The following EEF1E1 variants were observed in gnomAD, a reference collection of about 807,000 sequenced individuals.
The protein encoded by EEF1E1 is eukaryotic translation elongation factor 1 epsilon-1.
EEF1E1 carries 19 observed loss-of-function variants against 19.9 expected under a neutral mutation model. The observed-to-expected ratio is 0.95, with a 90% CI of 0.66 to 1.40. The LOEUF (loss-of-function observed/expected upper bound fraction) is 1.40, where lower values mean the gene tolerates loss of function less well. Among genes scored for constraint, EEF1E1 ranks in the 40% most tolerant of loss-of-function variants. The probability of loss-of-function intolerance (pLI) is 0.00; values close to 1 mark genes in which losing one functional copy is unlikely to be tolerated. For synonymous variants in EEF1E1, 81 were observed against 80.0 expected (o/e 1.01, Z -0.07); for missense variants, 198 against 202.2 (o/e 0.98, Z 0.13).
Position 8,090,292 on chromosome 6 carries a change from G to T in EEF1E1, c.289-11C>A. ...ATATGAATTAAGATCCTAGAAAAAA[G>T]AAAAAACAAATAAATATTAATGTAA... On this transcript the variant is annotated splice_polypyrimidine_tract_variant and intron_variant, in intron 2 of 3. Transcript: ENST00000379715. The T allele has an allele frequency of 6.9e-7, 1 of 1,444,502 alleles. No homozygotes were observed. The highest frequency in any genetic ancestry group is 9.1e-7 in the Non-Finnish European group (1 of 1,096,190). 89.5% of individuals were successfully genotyped at this position (1,444,502 alleles called of 1,614,324 possible).
chr6:8,079,660 T>C lies in EEF1E1; in HGVS notation c.*230A>G, dbSNP rs1757677739. ...TCATCTACTAAAAACAAGGTTAATT[T>C]ATAACTGGATCTCAACTTGTTTAAT... is the stretch of plus-strand genomic sequence containing the variant. On this transcript the variant is annotated 3_prime_UTR_variant, in exon 4 of 4. Coordinates refer to ENST00000379715, the MANE Select transcript of EEF1E1 (RefSeq NM_004280.5). 1 of 1,202,314 alleles carries C rather than the reference T, an allele frequency of 8.3e-7. No individual in the cohort carries two copies. The highest frequency in any genetic ancestry group is 1.0e-6 in the Non-Finnish European group (1 of 965,164). The allele number at this position is 1,202,314 out of a possible 1,614,324, so 74.5% of individuals were successfully genotyped here. A position where few individuals can be genotyped will look rare whatever the true frequency, so the allele number is the denominator to read the frequency against.
chr6:8,101,796 G>A, intron 1 of EEF1E1: 1 of 1,289,298 alleles, frequency 7.8e-7, no homozygotes, highest in Non-Finnish European at 1.0e-6. Context: ...ACTGTGGGTC[G>A]TAACACTTAA....
At chr6:8,091,757 T>C (rs1758016521) in intron 2 of EEF1E1, among the ~76,000 whole-genome samples, 3 of 152,208 alleles carry the variant, frequency 2.0e-5, no homozygotes, top group Admixed American at 2.0e-4. Context: ...ATATGAACTA[T>C]TATTAAATAT....
chr6:8,101,937 C>A, intron 1 of EEF1E1: 1 of 1,237,054 alleles, frequency 8.1e-7, no homozygotes, highest in Non-Finnish European at 1.1e-6. Context: ...CAATGTTTGT[C>A]CACCTGGCCA....
chr6:8,096,250 A>C (rs1265469518), intron 2 of EEF1E1, among the ~76,000 whole-genome samples: 1 of 152,224 alleles, frequency 6.6e-6, no homozygotes, highest in Non-Finnish European at 1.5e-5. Flanking sequence ...AAACTGTAAA[A>C]GATGGTTGTG....
chr6:8,102,269 G>A (rs1758387022), intron 1 of EEF1E1, among the ~76,000 whole-genome samples, 166 bp downstream of exon 1: 1 of 152,196 alleles, frequency 6.6e-6, no homozygotes, highest in Non-Finnish European at 1.5e-5. Context: ...GGATGGCAGG[G>A]GCCGAGGCCC....
chr6:8,093,320 CTTCCTTTT>C (rs1758072565), intron 2 of EEF1E1, among the ~76,000 whole-genome samples: 1 of 125,536 alleles, frequency 8.0e-6, no homozygotes, highest in Non-Finnish European at 1.7e-5. Flanking sequence ...CTGACATTCG[CTTCCTTTT>C]TTTTTTTTTT....
At chr6:8,088,350 G>A (rs1473751850) in intron 3 of EEF1E1, among the ~76,000 whole-genome samples, 1 of 152,144 alleles carries the variant, frequency 6.6e-6, no homozygotes, top group Non-Finnish European at 1.5e-5. Context: ...ATGGTGATAT[G>A]GTTTGGCTGT....
At chr6:8,095,424 AC>A in intron 2 of EEF1E1, 1 of 381,282 alleles carries the variant, frequency 2.6e-6, no homozygotes, top group Admixed American at 2.9e-5. Flanking sequence ...AATCACTTGA[AC>A]CCAGGAGGCG....
chr6:8,083,081 C>A (rs1208387257), intron 3 of EEF1E1, among the ~76,000 whole-genome samples: 2 of 152,192 alleles, frequency 1.3e-5, no homozygotes, highest in Non-Finnish European at 2.9e-5. Context: ...GTGCTTGGCT[C>A]TTTCTGCCTA....
At chr6:8,083,285 T>A (rs1581458560) in intron 3 of EEF1E1, among the ~76,000 whole-genome samples, 1 of 152,318 alleles carries the variant, frequency 6.6e-6, no homozygotes, top group East Asian at 1.9e-4. Flanking sequence ...GGACATTCTT[T>A]AGGGCCAGTG....
chr6:8,090,994 G>A (rs375902166), intron 2 of EEF1E1, among the ~76,000 whole-genome samples: 52 of 152,260 alleles, frequency 3.4e-4, no homozygotes, highest in East Asian at 5.8e-4. Flanking sequence ...GAACAGGAGC[G>A]TACAAACATC....
rs185263039 is a variant in EEF1E1 at position 8,090,655 on chromosome 6, G to A, written c.289-374C>T. 5.3e-4 allele frequency among the ~76,000 whole-genome samples: 81 copies of A among 152,180 alleles called. 1 individual carries two copies. The East Asian group carries it at 0.015, about 28-fold the overall frequency. ...TTCCCCAACAATTTCAATCTCTTTA[G>A]AGAATTCTAAGAAACTCTATATCCA... On this transcript the variant is annotated intron_variant, in intron 2 of 3. Transcript: ENST00000379715.
chr6:8,101,044 G>A (rs1252812553), intron 1 of EEF1E1, among the ~76,000 whole-genome samples: 2 of 148,968 alleles, frequency 1.3e-5, no homozygotes, highest in African/African-American at 5.0e-5. Context: ...TGGCCAACAT[G>A]GTGCAACCCG....
At chr6:8,102,376 G>A (rs1248180572) in intron 1 of EEF1E1, 59 bp downstream of exon 1, 2 of 1,540,844 alleles carry the variant, frequency 1.3e-6, no homozygotes, top group African/African-American at 1.4e-5. Context: ...GTCCTGCCAG[G>A]GCTCGGCAGG....
chr6:8,097,746 T>A (rs1278765023), intron 1 of EEF1E1, among the ~76,000 whole-genome samples: 3 of 152,322 alleles, frequency 2.0e-5, no homozygotes, highest in East Asian at 3.9e-4. Context: ...AATTTTAAAC[T>A]ATGTACAATG....
At chr6:8,095,354 C>A (rs528950272) in intron 2 of EEF1E1, 5 of 424,438 alleles carry the variant, frequency 1.2e-5, no homozygotes, top group South Asian at 8.1e-5. Context: ...CACAAAAAAA[C>A]GAGCCATGCG....
Position 8,079,865 on chromosome 6 carries a change from A to C in EEF1E1, c.*25T>G. 1 of 1,598,222 alleles carries C rather than the reference A, an allele frequency of 6.3e-7. No individual in the cohort carries two copies. The highest frequency in any genetic ancestry group is 8.5e-7 in the Non-Finnish European group (1 of 1,171,358). Reference sequence around the variant, plus strand: ...TTTCCATTTAAAACATTTTTAATAGATCTTCTGTATGGCATGGACAGCTTC... The same window carrying C: ...TTTCCATTTAAAACATTTTTAATAGCTCTTCTGTATGGCATGGACAGCTTC... On this transcript the variant is annotated 3_prime_UTR_variant, in exon 4 of 4. Transcript: ENST00000379715.
intron 1 of EEF1E1, 45 bp downstream of exon 1, chr6:8,102,390 C>G: frequency 6.3e-7 from 1 of 1,582,868 alleles, no homozygotes. Context: ...CGGCAGGCCC[C>G]GCTCCCGTCC....
Sources: allele counts gnomAD v4.1 joint callset (sites outside exome capture counted in the v4.1 genomes callset), GRCh38; gene constraint gnomAD v4.1.1; transcripts MANE v1.5; gene names NCBI Gene and HGNC (gene_info 2026-07-23, HGNC 2026-07-21).